The following CRIM1 variants were observed in gnomAD, a reference collection of about 807,000 sequenced individuals.
CRIM1 encodes cysteine-rich motor neuron 1 protein.
CRIM1 carries 32 observed loss-of-function variants against 116.4 expected under a neutral mutation model. The observed-to-expected ratio is 0.27, with a 90% CI of 0.21 to 0.37. CRIM1 has a LOEUF of 0.37. CRIM1 is among the 10% of genes least tolerant of loss of function. CRIM1 has a pLI of 1.00. For synonymous variants in CRIM1, 590 were observed against 509.2 expected, an observed-to-expected ratio of 1.16 and a Z score of -2.13; for missense variants, 1,331 against 1,354.8, an observed-to-expected ratio of 0.98 and a Z score of 0.28.
chr2:36,486,474 T>C (rs970160164), intron 7 of CRIM1, among the ~76,000 whole-genome samples: 9 of 152,188 alleles, frequency 5.9e-5, no homozygotes, highest in African/African-American at 2.2e-4. Flanking sequence ...TCTTATACTC[T>C]TAATTTGCTA....
chr2:36,385,610 C>A (rs545058388), intron 1 of CRIM1, among the ~76,000 whole-genome samples: 1 of 152,012 alleles, frequency 6.6e-6, no homozygotes, highest in African/African-American at 2.4e-5. Context: ...GTCTCCAGGC[C>A]GTATTACTGG....
intron 7 of CRIM1, among the ~76,000 whole-genome samples, chr2:36,484,941 T>A (rs1157239265): frequency 3.3e-5 from 5 of 152,194 alleles, no homozygotes; most frequent in Non-Finnish European, 5.9e-5. Flanking sequence ...CCATGTTCTA[T>A]CTCTAACAGG....
intron 13 of CRIM1, among the ~76,000 whole-genome samples, chr2:36,529,679 A>C (rs1221309819): frequency 2.6e-5 from 4 of 152,198 alleles, no homozygotes; most frequent in Non-Finnish European, 2.9e-5. Context: ...TCTATTACTG[A>C]GAAATTGTGT....
intron 10 of CRIM1, 51 bp from the exon 11 acceptor site, chr2:36,513,505 T>C (rs759648731): frequency 6.7e-7 from 1 of 1,483,036 alleles, no homozygotes; most frequent in South Asian, 1.1e-5. Flanking sequence ...TGTAGCCTGT[T>C]TCTCCTGTGC....
intron 7 of CRIM1, among the ~76,000 whole-genome samples, chr2:36,496,889 T>C: frequency 6.7e-6 from 1 of 148,500 alleles, no homozygotes; most frequent in Non-Finnish European, 1.5e-5. Context: ...CGCATGTTAA[T>C]CTAATATATT....
chr2:36,400,768 G>C (rs1672347279), intron 2 of CRIM1, among the ~76,000 whole-genome samples: 1 of 152,112 alleles, frequency 6.6e-6, no homozygotes, highest in Admixed American at 6.5e-5. Context: ...AGCTCTAGAA[G>C]GCACAGAATG....
chr2:36,416,527 C>T (rs918903490), intron 2 of CRIM1, among the ~76,000 whole-genome samples: 32 of 152,302 alleles, frequency 2.1e-4, no homozygotes, highest in African/African-American at 6.7e-4. Context: ...AGATGTAACT[C>T]CTACTACAAC....
intron 2 of CRIM1, among the ~76,000 whole-genome samples, chr2:36,434,940 T>TA (rs1675182119): frequency 6.6e-6 from 1 of 152,184 alleles, no homozygotes; most frequent in South Asian, 2.1e-4. Context: ...ATGTCAGAGA[T>TA]ACCTTCCTTC....
chr2:36,454,653 CT>C (rs1222665709), intron 4 of CRIM1, among the ~76,000 whole-genome samples: 1 of 152,142 alleles, frequency 6.6e-6, no homozygotes, highest in Non-Finnish European at 1.5e-5. Context: ...TAATGTGCCC[CT>C]TTTTTTCTAT....
At chr2:36,439,216 C>T (rs1292956644) in intron 2 of CRIM1, among the ~76,000 whole-genome samples, 4 of 152,180 alleles carry the variant, frequency 2.6e-5, no homozygotes, top group Admixed American at 2.6e-4. Context: ...CATCTCATCT[C>T]GTTCTCCAAC....
chr2:36,378,547 C>A (rs1670491395), intron 1 of CRIM1: 2 of 357,994 alleles, frequency 5.6e-6, no homozygotes, highest in Non-Finnish European at 1.1e-5. Flanking sequence ...TTTTTTTAAA[C>A]TTAAGGAAGT....
chr2:36,519,876 T>C (rs978593558), intron 12 of CRIM1, among the ~76,000 whole-genome samples: 1 of 151,952 alleles, frequency 6.6e-6, no homozygotes, highest in Non-Finnish European at 1.5e-5. Flanking sequence ...TTTCCTTTAT[T>C]TTTAGAGTTG....
chr2:36,404,636 A>G (rs3770924), intron 2 of CRIM1, among the ~76,000 whole-genome samples: 106,555 of 152,134 alleles, frequency 0.7, 37,820 homozygotes, highest in East Asian at 0.9. Context: ...CCTGAGGACT[A>G]TTTTCTAAAT....
chr2:36,404,947 C>T (rs1672675958), intron 2 of CRIM1, among the ~76,000 whole-genome samples: 1 of 152,114 alleles, frequency 6.6e-6, no homozygotes, highest in Non-Finnish European at 1.5e-5. Flanking sequence ...TATTTCACTT[C>T]CTTTTTTTCT....
At chr2:36,419,417 G>A (rs1355837219) in intron 2 of CRIM1, among the ~76,000 whole-genome samples, 1 of 152,120 alleles carries the variant, frequency 6.6e-6, no homozygotes, top group East Asian at 1.9e-4. Context: ...TCTCCTATTT[G>A]CATCATTAAC....
At chr2:36,398,664 G>A (rs753334497) in intron 2 of CRIM1, among the ~76,000 whole-genome samples, 4 of 152,076 alleles carry the variant, frequency 2.6e-5, no homozygotes, top group African/African-American at 4.8e-5. Flanking sequence ...ATCCAAATGT[G>A]GAATTAGTTG....
chr2:36,508,738 C>T (rs1227867474), intron 8 of CRIM1, among the ~76,000 whole-genome samples: 2 of 152,042 alleles, frequency 1.3e-5, no homozygotes, highest in Non-Finnish European at 2.9e-5. Flanking sequence ...TTTCTATTTC[C>T]CTTTTCTCTC....
At position 36,479,405 on chromosome 2, in the gene CRIM1, A is replaced by C. The variant is rs1402310138; in HGVS notation, c.1175-92A>C. 11 of 1,260,288 alleles carry C rather than the reference A, an allele frequency of 8.7e-6. 1 individual carries two copies. Among genetic ancestry groups the C allele is most frequent in the Middle Eastern group, 2.2e-4 (1 of 4,518 alleles). The allele number at this position is 1,260,288 out of a possible 1,614,324, so 78.1% of individuals were successfully genotyped here. Reference sequence around the variant, plus strand: ...CACAGTGGGAATAGAACTGCTGATGACTAGAACCCAGGGAAAAAATGTCTC... The same window carrying C: ...CACAGTGGGAATAGAACTGCTGATGCCTAGAACCCAGGGAAAAAATGTCTC... On this transcript the variant is annotated intron_variant, in intron 6 of 16. Transcript: ENST00000280527.
intron 7 of CRIM1, among the ~76,000 whole-genome samples, chr2:36,481,095 A>C (rs1679382805): frequency 6.6e-6 from 1 of 152,230 alleles, no homozygotes. Context: ...AATCCAGTAA[A>C]CATTAGCCTT....
Sources: gnomAD v4.1 joint callset for allele counts (sites outside exome capture counted in the v4.1 genomes callset) on GRCh38, gnomAD v4.1.1 for gene constraint, MANE v1.5 for transcripts, NCBI Gene and HGNC (gene_info 2026-07-23, HGNC 2026-07-21) for gene names.